ASAP2: variants seen among roughly 807,000 people sequenced by gnomAD.
ASAP2 encodes arf-GAP with SH3 domain, ANK repeat and PH domain-containing protein 2.
A neutral mutation model predicts 131.4 loss-of-function variants in ASAP2; 45 were observed. That is an observed-to-expected ratio of 0.34 (90% CI 0.27 to 0.44). ASAP2 has a LOEUF of 0.44. ASAP2 is among the 20% of genes least tolerant of loss of function. ASAP2 has a pLI of 1.00. For missense variants in ASAP2, 1,011 were observed against 1,297.0 expected (o/e 0.78, Z 3.39); for synonymous variants, 510 against 503.0 (o/e 1.01, Z -0.19).
intron 24 of ASAP2, among the ~76,000 whole-genome samples, chr2:9,397,991 C>T (rs1358384707): frequency 6.6e-6 from 1 of 151,276 alleles, no homozygotes; most frequent in African/African-American, 2.4e-5. Flanking sequence ...ATCTCCTGAC[C>T]TCATGATCCG....
rs563952074 is a variant in ASAP2 at position 9,392,471 on chromosome 2, A to G, written c.2519-1011A>G. Among the ~76,000 whole-genome samples the G allele has an allele frequency of 3.3e-5, 5 of 152,332 alleles. No homozygotes were observed. The highest frequency in any genetic ancestry group is 1.9e-4 in the East Asian group (1 of 5,180). The stretch of plus-strand genomic sequence containing the variant: ...GCTAGAGTCAGTGCCATGTGTGCAC[A>G]TGCCGGCAGCAGAGCCGGGAGCAGT... On this transcript the variant is annotated intron_variant, in intron 23 of 27. Transcript: ENST00000281419. This position sits in a 1 kb window ranked among gnomAD's most constrained non-coding sequence, Gnocchi z 4.0.
chr2:9,344,518 TCAC>T lies in ASAP2; in HGVS notation c.850-11_850-9del. On this transcript the variant is annotated splice_polypyrimidine_tract_variant and intron_variant, in intron 9 of 27. Transcript: ENST00000281419. ...CTGGACAAGATTAAAAACACACTCT[TCAC>T]CATTTTTTAGGACTCCCAAATTCGT... 1.2e-6 allele frequency: 2 copies of T among 1,605,968 alleles called. No homozygotes were observed. The highest frequency in any genetic ancestry group is 1.7e-6 in the Non-Finnish European group (2 of 1,173,030).
chr2:9,395,611 T>C lies in ASAP2; in HGVS notation c.2684+1964T>C, dbSNP rs1221954430. On this transcript the variant is annotated intron_variant, in intron 24 of 27. Coordinates refer to ENST00000281419, the MANE Select transcript of ASAP2 (RefSeq NM_003887.3). ...TTTTTTTTCTTTTTTTTTTTTTTTT[T>C]TTTTTTTTTTTTTTGAGATGGAGTC... 1.4e-3 allele frequency among the ~76,000 whole-genome samples: 148 copies of C among 104,220 alleles called. 3 individuals are homozygous for C. Among genetic ancestry groups the C allele is most frequent in the African/African-American group, 5.2e-3 (111 of 21,522 alleles). 68.4% of individuals were successfully genotyped at this position (104,220 alleles called of 152,430 possible). A position where few individuals can be genotyped will look rare whatever the true frequency, so the allele number is the denominator to read the frequency against.
chr2:9,343,177 T>A (rs1653142674), intron 9 of ASAP2, among the ~76,000 whole-genome samples: 1 of 152,180 alleles, frequency 6.6e-6, no homozygotes, highest in Admixed American at 6.5e-5. Context: ...TCCATTCCAC[T>A]CTCTGCTCTT....
At chr2:9,342,741 G>A (rs1671671574) in intron 9 of ASAP2, among the ~76,000 whole-genome samples, 1 of 152,224 alleles carries the variant, frequency 6.6e-6, no homozygotes, top group African/African-American at 2.4e-5. Context: ...GCCTTGGGAT[G>A]CAGTCGAAAC....
In ASAP2 at chr2:9,323,305, C is replaced by T. The variant is rs1670270058; in HGVS notation, c.600+55C>T. 6.2e-6 allele frequency: 10 copies of T among 1,604,282 alleles called. 1 individual carries two copies. In the Admixed American group the frequency reaches 1.7e-4, roughly 27 times the overall value. On this transcript the variant is annotated intron_variant, in intron 6 of 27. Transcript: ENST00000281419. Reference sequence around the variant, plus strand: ...GCCCAGGCTGTGCCGGCTCTGCCCTCACCTGTGGGAGCATCTCACCGGTAC... The same window carrying T: ...GCCCAGGCTGTGCCGGCTCTGCCCTTACCTGTGGGAGCATCTCACCGGTAC...
intron 20 of ASAP2, among the ~76,000 whole-genome samples, chr2:9,382,582 C>T (rs1362597320): frequency 6.6e-6 from 1 of 152,174 alleles, no homozygotes; most frequent in Non-Finnish European, 1.5e-5. Flanking sequence ...GTTGAAAAGG[C>T]TGGGTTTACA....
intron 9 of ASAP2, among the ~76,000 whole-genome samples, chr2:9,337,750 G>A (rs562567428): frequency 2.6e-5 from 4 of 152,184 alleles, no homozygotes; most frequent in African/African-American, 7.2e-5. Context: ...AGCTTGTGCC[G>A]TTCTGGTCCC....
At chr2:9,286,447 A>AAAAAAAAATATATATATATATATATATAT (rs58605449) in intron 2 of ASAP2, among the ~76,000 whole-genome samples, 1 of 148,416 alleles carries the variant, frequency 6.7e-6, no homozygotes, top group African/African-American at 2.5e-5. Flanking sequence ...GAAAAAAAAA[A>AAAAAAAAATATATATATATATATATATAT]ATATATATAT....
At chr2:9,399,184 G>A (rs1208795334) in intron 24 of ASAP2, 1 of 152,296 alleles carries the variant, frequency 6.6e-6, no homozygotes, top group East Asian at 1.9e-4. Context: ...CGAAGGGAGT[G>A]TCGACAGACG....
chr2:9,396,394 C>T (rs1419441167), intron 24 of ASAP2, among the ~76,000 whole-genome samples: 1 of 152,034 alleles, frequency 6.6e-6, no homozygotes, highest in Non-Finnish European at 1.5e-5. Flanking sequence ...CCCACCTCAG[C>T]CTCCGCATAG....
rs554778398 is a variant in ASAP2, at chr2:9,263,955, G to C, written c.127-15362G>C. On this transcript the variant is annotated intron_variant, in intron 1 of 27. Transcript: ENST00000281419. ...ACCTGTAATCCCAGCACTTTAGGAGGCCAAGGCGGGCGGATCAGTTGAGGT... is the reference window on the plus strand; with the variant it reads ...ACCTGTAATCCCAGCACTTTAGGAGCCCAAGGCGGGCGGATCAGTTGAGGT... Among the ~76,000 whole-genome samples the C allele has an allele frequency of 5.3e-5, 8 of 152,246 alleles. No homozygotes were observed. The East Asian group carries it at 1.5e-3, about 29-fold the overall frequency.
In ASAP2 at chr2:9,403,443, G is replaced by A; in HGVS notation, c.*116G>A. On this transcript the variant is annotated 3_prime_UTR_variant, in exon 28 of 28. Coordinates refer to ENST00000281419, the MANE Select transcript of ASAP2 (RefSeq NM_003887.3). ...TGTATGGCAGCCCATGTTCTCTAAT[G>A]CCACTGCTCTGTTTTAAAAACTCAG... 2 of 871,064 alleles carry A rather than the reference G, an allele frequency of 2.3e-6. No homozygotes were observed. Among genetic ancestry groups the A allele is most frequent in the South Asian group, 3.6e-5 (2 of 55,718 alleles). 54.0% of individuals were successfully genotyped at this position (871,064 alleles called of 1,614,324 possible).
chr2:9,359,928 C>T (rs1672976138), intron 15 of ASAP2, among the ~76,000 whole-genome samples: 1 of 152,220 alleles, frequency 6.6e-6, no homozygotes, highest in South Asian at 2.1e-4. Context: ...GCTAGACTCA[C>T]TTAAAATGTA....
intron 15 of ASAP2, among the ~76,000 whole-genome samples, chr2:9,360,712 A>G (rs1387052765): frequency 6.6e-6 from 1 of 152,256 alleles, no homozygotes; most frequent in African/African-American, 2.4e-5. Context: ...CAGTGGATGT[A>G]AATAACTTCA....
At chr2:9,360,135 G>A (rs1672986933) in intron 15 of ASAP2, among the ~76,000 whole-genome samples, 1 of 152,232 alleles carries the variant, frequency 6.6e-6, no homozygotes, top group East Asian at 1.9e-4. Flanking sequence ...GTAAACACTG[G>A]TGAACTATGG....
At position 9,281,154 on chromosome 2, in the gene ASAP2, T is replaced by G. The variant is rs1012846102; in HGVS notation, c.199+1765T>G. ...CTTGGAAGATTTTTTTTTTTTTTAC[T>G]GCGTTCACTTGGACTTTTTGAGTTT... On this transcript the variant is annotated intron_variant, in intron 2 of 27. Transcript: ENST00000281419. The surrounding 1 kb of genome is among the most constrained non-coding windows in gnomAD (Gnocchi z 4.0). Among the ~76,000 whole-genome samples, 16 of 150,234 alleles carry G rather than the reference T, an allele frequency of 1.1e-4. No homozygotes were observed.
At chr2:9,248,117 C>T (rs1664461051) in intron 1 of ASAP2, among the ~76,000 whole-genome samples, 1 of 152,186 alleles carries the variant, frequency 6.6e-6, no homozygotes, top group Non-Finnish European at 1.5e-5. Flanking sequence ...CGGCTGACAG[C>T]AGCAAGAGAT....
chr2:9,228,417 C>T (rs954938946), intron 1 of ASAP2, among the ~76,000 whole-genome samples: 1 of 152,120 alleles, frequency 6.6e-6, no homozygotes, highest in Admixed American at 6.5e-5. Context: ...GTCTTTGAGT[C>T]TATAATCACA....
Sources: gnomAD v4.1 joint callset for allele counts (sites outside exome capture counted in the v4.1 genomes callset) on GRCh38, gnomAD v4.1.1 for gene constraint, Gnocchi (gnomAD v3.1) non-coding constraint, MANE v1.5 for transcripts, NCBI Gene and HGNC (gene_info 2026-07-23, HGNC 2026-07-21) for gene names.